SEC14L4: variants seen among roughly 807,000 people sequenced by gnomAD.
SEC14L4 encodes SEC14 like lipid binding 4, also known as SEC14-like protein 4.
A neutral mutation model predicts 55.1 loss-of-function variants in SEC14L4; 42 were observed. The ratio of observed to expected loss-of-function variants is 0.76; its 90% CI spans 0.60 to 0.99. The LOEUF is 0.99. Ranked by LOEUF, SEC14L4 falls within the 50% of genes least tolerant of loss-of-function variation. The probability of loss-of-function intolerance (pLI) is 0.00; values close to 1 mark genes in which losing one functional copy is unlikely to be tolerated. For synonymous variants in SEC14L4, 206 were observed against 206.8 expected, an observed-to-expected ratio of 1.00 and a Z score of 0.03; for missense variants, 445 against 512.1, an observed-to-expected ratio of 0.87 and a Z score of 1.27.
At chr22:30,492,339 G>T (rs1002670307) in intron 8 of SEC14L4, 135 bp downstream of exon 8, 1 of 1,130,280 alleles carries the variant, frequency 8.8e-7, no homozygotes, top group Non-Finnish European at 1.3e-6. Context: ...GGCATTGCCC[G>T]TGCGTGTGGA....
intron 2 of SEC14L4, among the ~76,000 whole-genome samples, chr22:30,496,724 G>A (rs940371283): frequency 2.0e-5 from 3 of 152,118 alleles, no homozygotes; most frequent in Non-Finnish European, 4.4e-5. Flanking sequence ...AGTTAAATGA[G>A]AACACTATCT....
chr22:30,490,178 G>A lies in SEC14L4; in HGVS notation c.1150C>T (p.Leu384=), dbSNP rs767265212. 3 of 1,614,178 alleles carry A rather than the reference G, an allele frequency of 1.9e-6. No homozygotes were observed. The highest frequency in any genetic ancestry group is 2.5e-6 in the Non-Finnish European group (3 of 1,180,032). Residue 384 remains leucine, a synonymous_variant, in exon 12 of 12, where the codon CTG becomes TTG. Coordinates refer to ENST00000255858, the MANE Select transcript of SEC14L4 (RefSeq NM_174977.4). The part of the protein sequence containing the change: ...AKKLSYTVEV[L]LPDKASEETL... ...TCCTCAGAGGCCTTGTCGGGAAGCA[G>A]CACCTCCACAGTGTAGCTGAGCTTC...
Position 30,489,994 on chromosome 22 carries a change from T to A in SEC14L4, c.*113A>T, listed in dbSNP as rs1278811922. On this transcript the variant is annotated 3_prime_UTR_variant, in exon 12 of 12. Coordinates refer to ENST00000255858, the MANE Select transcript of SEC14L4 (RefSeq NM_174977.4). ...CCTACAATGAGATGAAATGGTGACG[T>A]GGGACAAGTGGCTCTCTGCAGCCAC... 1 of 1,560,350 alleles carries A rather than the reference T, an allele frequency of 6.4e-7. No homozygotes were observed. Among genetic ancestry groups the A allele is most frequent in the Non-Finnish European group, 8.7e-7 (1 of 1,151,306 alleles).
intron 2 of SEC14L4, 76 bp from the exon 3 acceptor site, chr22:30,496,047 C>G (rs1401891924): frequency 2.4e-6 from 3 of 1,229,682 alleles, no homozygotes; most frequent in East Asian, 2.4e-5. Context: ...CATGAGGAAA[C>G]AGCTAAGGTG....
At chr22:30,492,287 C>T (rs1367549734) in intron 8 of SEC14L4, 132 bp from the exon 9 acceptor site, 1 of 1,260,710 alleles carries the variant, frequency 7.9e-7, no homozygotes, top group Admixed American at 2.0e-5. Flanking sequence ...TAAGAGTACC[C>T]AAGACCTTTA....
intron 2 of SEC14L4, among the ~76,000 whole-genome samples, chr22:30,496,568 C>A (rs7287943): frequency 0.23 from 34,786 of 151,750 alleles, 4,045 homozygotes; most frequent in Admixed American, 0.27. Flanking sequence ...GACACCCCCC[C>A]CCACCACCTG....
intron 11 of SEC14L4, among the ~76,000 whole-genome samples, chr22:30,490,453 G>A (rs916984121): frequency 3.3e-5 from 5 of 152,188 alleles, no homozygotes; most frequent in African/African-American, 7.2e-5. Flanking sequence ...CCCATTGCTC[G>A]CTGCCATCTC....
At chr22:30,495,537 G>A (rs751606498) in intron 4 of SEC14L4, 46 bp downstream of exon 4, 2 of 1,611,238 alleles carry the variant, frequency 1.2e-6, no homozygotes, top group East Asian at 2.2e-5. Context: ...GAGATGTCAG[G>A]GGTGAGGGGC....
chr22:30,490,061 T>C lies in SEC14L4; in HGVS notation c.*46A>G. Reference sequence around the variant, plus strand: ...CCTGGGAAGGCAGGGGTCAGAGGGGTGGGTGTGAAGGGGTTGGAGTGCACA... The same window carrying C: ...CCTGGGAAGGCAGGGGTCAGAGGGGCGGGTGTGAAGGGGTTGGAGTGCACA... On this transcript the variant is annotated 3_prime_UTR_variant, in exon 12 of 12. Coordinates refer to ENST00000255858, the MANE Select transcript of SEC14L4 (RefSeq NM_174977.4). The C allele has an allele frequency of 6.2e-7, 1 of 1,602,412 alleles. No individual in the cohort carries two copies. The highest frequency in any genetic ancestry group is 8.5e-7 in the Non-Finnish European group (1 of 1,173,400).
At chr22:30,493,558 T>A (rs188824777) in intron 7 of SEC14L4, among the ~76,000 whole-genome samples, 2 of 152,314 alleles carry the variant, frequency 1.3e-5, no homozygotes, top group East Asian at 3.9e-4. Context: ...CATCCACTAG[T>A]GTGGTCCATG....
chr22:30,492,232 G>C, intron 8 of SEC14L4, 77 bp from the exon 9 acceptor site: 1 of 1,532,280 alleles, frequency 6.5e-7, no homozygotes, highest in African/African-American at 1.4e-5. Flanking sequence ...AGCTTGGTGA[G>C]GGAACCTGAT....
intron 11 of SEC14L4, 28 bp downstream of exon 11, chr22:30,491,545 C>T (rs759486934): frequency 1.2e-6 from 2 of 1,612,768 alleles, no homozygotes; most frequent in East Asian, 4.5e-5. Context: ...GCAGGGAAAA[C>T]AATTCCAGTA....
intron 2 of SEC14L4, among the ~76,000 whole-genome samples, chr22:30,498,658 A>C (rs1291846425): frequency 6.6e-6 from 1 of 152,204 alleles, no homozygotes; most frequent in East Asian, 1.9e-4. Flanking sequence ...ATGCATCTAA[A>C]ATCCTCTAAT....
Position 30,494,966 on chromosome 22 carries a change from T to C in SEC14L4, c.424-5A>G, listed in dbSNP as rs1936089943. The C allele has an allele frequency of 6.2e-7, 1 of 1,612,706 alleles. No homozygotes were observed. Among genetic ancestry groups the C allele is most frequent in the Non-Finnish European group, 8.5e-7 (1 of 1,179,634 alleles). On this transcript the variant is annotated splice_region_variant and splice_polypyrimidine_tract_variant and intron_variant, in intron 5 of 11. Coordinates refer to ENST00000255858, the MANE Select transcript of SEC14L4 (RefSeq NM_174977.4). ...CATCTCGATCTTCCTGCCCAGCTGC[T>C]TGGGACAGAGTCATATAGGTCAGAC...
chr22:30,505,329 C>T (rs1936456123), intron 1 of SEC14L4, among the ~76,000 whole-genome samples: 1 of 152,186 alleles, frequency 6.6e-6, no homozygotes, highest in Non-Finnish European at 1.5e-5. Context: ...GTGGAGAGCA[C>T]GCAAGGTCAG....
intron 1 of SEC14L4, among the ~76,000 whole-genome samples, chr22:30,504,154 T>C (rs2146207528): frequency 6.6e-6 from 1 of 151,746 alleles, no homozygotes; most frequent in South Asian, 2.1e-4. Context: ...GCCTCCCGGG[T>C]TCAATAGATC....
In SEC14L4 at chr22:30,494,951, T is replaced by C. The variant is rs1395722135; in HGVS notation, c.434A>G (p.Lys145Arg). 6.2e-7 allele frequency: 1 copy of C among 1,613,368 alleles called. No individual in the cohort carries two copies. Among genetic ancestry groups the C allele is most frequent in the Non-Finnish European group, 8.5e-7 (1 of 1,179,886 alleles). ...CELQTQKLGRKIEMALMVFDM... is the reference protein window; with the variant it reads ...CELQTQKLGRRIEMALMVFDM... Reference sequence around the variant, plus strand: ...AAACACCATCAGCGCCATCTCGATCTTCCTGCCCAGCTGCTTGGGACAGAG... The same window carrying C: ...AAACACCATCAGCGCCATCTCGATCCTCCTGCCCAGCTGCTTGGGACAGAG... The change falls in exon 6 of 12, where the codon AAG becomes AGG. Residue 145 changes from lysine (K) to arginine (R), a missense_variant. Physicochemically the swap from Lys to Arg is conservative, Grantham distance 26. Transcript: ENST00000255858.
At chr22:30,503,834 C>A in intron 1 of SEC14L4, 82 bp from the exon 2 acceptor site, 1 of 1,054,162 alleles carries the variant, frequency 9.5e-7, no homozygotes, top group South Asian at 1.3e-5. Flanking sequence ...CTTCCCACAT[C>A]ATCCACCAGT....
intron 2 of SEC14L4, among the ~76,000 whole-genome samples, chr22:30,503,474 G>C (rs1038804664): frequency 6.6e-6 from 1 of 152,012 alleles, no homozygotes; most frequent in Non-Finnish European, 1.5e-5. Context: ...TGTTGGTCAG[G>C]CTGGTCTCGA....
Sources: gnomAD v4.1 joint callset for allele counts (sites outside exome capture counted in the v4.1 genomes callset) on GRCh38, gnomAD v4.1.1 for gene constraint, MANE v1.5 for transcripts, NCBI Gene and HGNC (gene_info 2026-07-23, HGNC 2026-07-21) for gene names.